ZNRF2: variants seen among roughly 807,000 people sequenced by gnomAD.
ZNRF2 encodes the protein zinc and ring finger 2, also known as E3 ubiquitin-protein ligase ZNRF2.
In ZNRF2, 16 loss-of-function variants were observed where a neutral mutation model predicts 20.4. That is an observed-to-expected ratio of 0.79 (90% CI 0.53 to 1.19). ZNRF2 has a LOEUF of 1.19. Among genes scored for constraint, ZNRF2 ranks in the 50% most tolerant of loss-of-function variants. ZNRF2 has a pLI of 0.00. For synonymous variants in ZNRF2, 178 were observed against 144.9 expected (o/e 1.23, Z -1.64); for missense variants, 363 against 332.4 (o/e 1.09, Z -0.72).
intron 2 of ZNRF2, among the ~76,000 whole-genome samples, chr7:30,333,198 C>A (rs1226706607): frequency 6.6e-6 from 1 of 150,638 alleles, no homozygotes; most frequent in African/African-American, 2.4e-5. Flanking sequence ...GGATTACAGG[C>A]GCCTGCCACC....
chr7:30,306,297 A>G (rs1247712527), intron 1 of ZNRF2, among the ~76,000 whole-genome samples: 1 of 152,166 alleles, frequency 6.6e-6, no homozygotes, highest in African/African-American at 2.4e-5. Flanking sequence ...AAAGTCAGGA[A>G]GAATAAAATT....
At chr7:30,285,928 G>A in intron 1 of ZNRF2, 102 bp downstream of exon 1, 2 of 1,327,048 alleles carry the variant, frequency 1.5e-6, no homozygotes, top group East Asian at 3.2e-5. Context: ...CCTTCTGCCG[G>A]GGCGCCGGGG....
chr7:30,298,414 C>G (rs1406545540), intron 1 of ZNRF2, among the ~76,000 whole-genome samples: 1 of 152,162 alleles, frequency 6.6e-6, no homozygotes, highest in Admixed American at 6.6e-5. Flanking sequence ...CACTAAAAAG[C>G]AAATTGGAAG....
chr7:30,331,888 GTTTAC>G (rs1799640389), intron 2 of ZNRF2, among the ~76,000 whole-genome samples: 2 of 152,140 alleles, frequency 1.3e-5, no homozygotes, highest in Admixed American at 6.5e-5. Flanking sequence ...TTTAGCAGAT[GTTTAC>G]TTTATAAAGA....
intron 1 of ZNRF2, among the ~76,000 whole-genome samples, chr7:30,299,745 A>G (rs1799078387): frequency 6.7e-6 from 1 of 149,924 alleles, no homozygotes; most frequent in Non-Finnish European, 1.5e-5. Flanking sequence ...ATTGGCAAGA[A>G]TGTGGTCATA....
At chr7:30,319,081 C>T (rs1325475496) in intron 1 of ZNRF2, among the ~76,000 whole-genome samples, 5 of 150,880 alleles carry the variant, frequency 3.3e-5, no homozygotes, top group Non-Finnish European at 7.4e-5. Context: ...CACTTCACTC[C>T]AGCCTGGGTG....
intron 1 of ZNRF2, among the ~76,000 whole-genome samples, chr7:30,309,999 T>G (rs1332520122): frequency 6.6e-6 from 1 of 152,182 alleles, no homozygotes; most frequent in African/African-American, 2.4e-5. Flanking sequence ...GAAGATAGCC[T>G]GTGACAACAG....
At chr7:30,295,833 A>G (rs543227264) in intron 1 of ZNRF2, among the ~76,000 whole-genome samples, 81 of 152,312 alleles carry the variant, frequency 5.3e-4, no homozygotes, top group African/African-American at 1.9e-3. Flanking sequence ...GAAACATCCA[A>G]GATTTATGCC....
intron 2 of ZNRF2, among the ~76,000 whole-genome samples, chr7:30,342,988 C>T (rs1799819892): frequency 6.6e-6 from 1 of 151,914 alleles, no homozygotes; most frequent in Non-Finnish European, 1.5e-5. Context: ...AAATTTATTA[C>T]TGTTTTCTTT....
intron 2 of ZNRF2, among the ~76,000 whole-genome samples, chr7:30,330,443 G>C (rs1799619986): frequency 6.6e-6 from 1 of 152,156 alleles, no homozygotes. Context: ...TTGCTACACT[G>C]TCTGTGGGAG....
At position 30,285,283 on chromosome 7, in the gene ZNRF2, C is replaced by T. The variant is rs1454987735; in HGVS notation, c.-75C>T. ...GGCCGCGGCGCCTGGGCCCTGCCCT[C>T]TAGCTCCCGCGCTCGCTCCCGCCCT... On this transcript the variant is annotated 5_prime_UTR_variant, in exon 1 of 5. Transcript: ENST00000323037. 4.9e-6 allele frequency: 5 copies of T among 1,020,806 alleles called. No individual in the cohort carries two copies. The South Asian group carries it at 2.2e-4, about 45-fold the overall frequency. The allele number at this position is 1,020,806 out of a possible 1,614,324, so 63.2% of individuals were successfully genotyped here. A position where few individuals can be genotyped will look rare whatever the true frequency, so the allele number is the denominator to read the frequency against.
At chr7:30,299,562 C>G (rs1464229686) in intron 1 of ZNRF2, among the ~76,000 whole-genome samples, 1 of 151,988 alleles carries the variant, frequency 6.6e-6, no homozygotes, top group East Asian at 1.9e-4. Context: ...CCCAAAAAAT[C>G]AGGTTAGATA....
chr7:30,311,433 C>T (rs1385401986), intron 1 of ZNRF2, among the ~76,000 whole-genome samples: 1 of 152,074 alleles, frequency 6.6e-6, no homozygotes, highest in Non-Finnish European at 1.5e-5. Context: ...CCCAATATAG[C>T]TAAGGAAGTA....
At chr7:30,355,620 T>G in intron 2 of ZNRF2, 108 bp from the exon 3 acceptor site, 1 of 770,334 alleles carries the variant, frequency 1.3e-6, no homozygotes, top group South Asian at 1.8e-5. Flanking sequence ...CGAAAAGATA[T>G]GCCAAGTAAG....
intron 2 of ZNRF2, among the ~76,000 whole-genome samples, chr7:30,328,092 T>G (rs1029092319): frequency 6.6e-6 from 1 of 152,090 alleles, no homozygotes; most frequent in Non-Finnish European, 1.5e-5. Flanking sequence ...TAATGTACTT[T>G]CCTATCATAG....
At chr7:30,326,929 GTCT>G (rs1483267286) in intron 2 of ZNRF2, among the ~76,000 whole-genome samples, 1 of 152,020 alleles carries the variant, frequency 6.6e-6, no homozygotes, top group Non-Finnish European at 1.5e-5. Context: ...CCACATTTAT[GTCT>G]TCTTTTGAAA....
chr7:30,313,514 T>C (rs1245102133), intron 1 of ZNRF2, among the ~76,000 whole-genome samples: 1 of 152,090 alleles, frequency 6.6e-6, no homozygotes, highest in African/African-American at 2.4e-5. Flanking sequence ...CCATCCTTCC[T>C]CCCTCCCTGC....
chr7:30,328,013 T>C (rs1046067534), intron 2 of ZNRF2, among the ~76,000 whole-genome samples: 1 of 152,188 alleles, frequency 6.6e-6, no homozygotes, highest in African/African-American at 2.4e-5. Context: ...TGGCCAGTTA[T>C]GAGTAAGTGA....
At chr7:30,321,846 T>C (rs1799475297) in intron 1 of ZNRF2, among the ~76,000 whole-genome samples, 2 of 152,214 alleles carry the variant, frequency 1.3e-5, no homozygotes, top group East Asian at 1.9e-4. Context: ...CAGTATTCGA[T>C]GTAGCCTGTG....
Sources: gnomAD v4.1 joint callset for allele counts (sites outside exome capture counted in the v4.1 genomes callset) on GRCh38, gnomAD v4.1.1 for gene constraint, MANE v1.5 for transcripts, NCBI Gene and HGNC (gene_info 2026-07-23, HGNC 2026-07-21) for gene names.